The following SRRD variants were observed in gnomAD, a reference collection of about 807,000 sequenced individuals.
SRRD encodes SRR1 domain containing.
In SRRD, 28 loss-of-function variants were observed where a neutral mutation model predicts 30.7. The observed-to-expected ratio is 0.91, with a 90% confidence interval of 0.68 to 1.25. The LOEUF (loss-of-function observed/expected upper bound fraction) is 1.25. Ranked by LOEUF, SRRD falls within the 50% of genes most tolerant of loss-of-function variation. The pLI is 0.00. For missense variants in SRRD, 415 were observed against 417.3 expected (o/e 0.99, Z 0.05); for synonymous variants, 161 against 159.6 (o/e 1.01, Z -0.07).
At position 26,491,624 on chromosome 22, in the gene SRRD, C is replaced by A. The variant is rs569715425; in HGVS notation, c.972C>A (p.Asp324Glu). 1 of 1,613,884 alleles carries A rather than the reference C, an allele frequency of 6.2e-7. No individual in the cohort carries two copies. ...REEPDYQDCE[D>E]LEIIRNKRED... ...AACCAGATTATCAGGACTGTGAGGA[C>A]CTTGAAATCATCAGGAACAAGAGAG... Residue 324 changes from aspartate (D) to glutamate (E), a missense_variant, in exon 7 of 7, where the codon GAC becomes GAA. Physicochemically the swap from Asp to Glu is conservative, Grantham distance 45 (BLOSUM62 2). Coordinates refer to ENST00000215917, the MANE Select transcript of SRRD (RefSeq NM_001013694.3).
At chr22:26,485,632 A>G (rs774025360) in intron 1 of SRRD, among the ~76,000 whole-genome samples, 1 of 152,218 alleles carries the variant, frequency 6.6e-6, no homozygotes, top group Admixed American at 6.5e-5. Flanking sequence ...TTATGCCTCT[A>G]AACTCCTCCG....
At chr22:26,491,092 C>A (rs201003663) in intron 6 of SRRD, 22 bp downstream of exon 6, 355 of 1,605,180 alleles carry the variant, frequency 2.2e-4, no homozygotes, top group Non-Finnish European at 2.8e-4. Flanking sequence ...AATAAAGGGG[C>A]TGGGATGGAA....
chr22:26,485,987 G>T, intron 1 of SRRD, 36 bp from the exon 2 acceptor site: 1 of 1,614,022 alleles, frequency 6.2e-7, no homozygotes, highest in Non-Finnish European at 8.5e-7. Flanking sequence ...CCCTGAGATG[G>T]GTGGGACATG....
intron 5 of SRRD, among the ~76,000 whole-genome samples, chr22:26,490,445 A>C (rs1055204752): frequency 1.3e-5 from 2 of 151,922 alleles, no homozygotes; most frequent in African/African-American, 4.8e-5. Flanking sequence ...GAAAACAGGG[A>C]AAAGCTATTT....
chr22:26,484,231 C>G, intron 1 of SRRD, 132 bp downstream of exon 1: 1 of 1,000,850 alleles, frequency 1.0e-6, no homozygotes, highest in Non-Finnish European at 1.5e-6. Context: ...ACGTAGGTAA[C>G]GAGCTCATTA....
chr22:26,490,004 G>T (rs750201685), intron 4 of SRRD, 40 bp from the exon 5 acceptor site: 1 of 1,610,590 alleles, frequency 6.2e-7, no homozygotes, highest in African/African-American at 1.3e-5. Flanking sequence ...TAAAGAATAG[G>T]TTGTGGGCAT....
chr22:26,490,107 T>C lies in SRRD; in HGVS notation c.673T>C (p.Leu225=), dbSNP rs770346097. 6.2e-7 allele frequency: 1 copy of C among 1,614,026 alleles called. No homozygotes were observed. Among genetic ancestry groups the C allele is most frequent in the Non-Finnish European group, 8.5e-7 (1 of 1,180,006 alleles). ...TTACATGCTCCATTGTGGGACGGCC[T>C]TGTACAACAATCTTTTATGGAGTAA... ...IFYMLHCGTA[L]YNNLLWSNWS... Residue 225 remains leucine, a synonymous_variant, in exon 5 of 7, where the codon TTG becomes CTG. Coordinates refer to ENST00000215917, the MANE Select transcript of SRRD (RefSeq NM_001013694.3).
Position 26,493,626 on chromosome 22 carries a change from C to T in SRRD, c.*1954C>T, listed in dbSNP as rs1921512184. ...ATATAGTACACGAACAGTGAACTGC[C>T]TGTTTTTGACAACACAGACACCACC... On this transcript the variant is annotated 3_prime_UTR_variant, in exon 7 of 7. Transcript: ENST00000215917. 1 of 158,168 alleles carries T rather than the reference C, an allele frequency of 6.3e-6. No individual in the cohort carries two copies. The allele number at this position is 158,168 out of a possible 1,614,324, so 9.8% of individuals were successfully genotyped here.
At chr22:26,491,412 G>C in intron 6 of SRRD, 51 bp from the exon 7 acceptor site, 1 of 1,366,314 alleles carries the variant, frequency 7.3e-7, no homozygotes, top group Non-Finnish European at 1.0e-6. Context: ...CCAGAAGAGT[G>C]GGGATTACTG....
chr22:26,491,333 A>G, intron 6 of SRRD, 130 bp from the exon 7 acceptor site: 1 of 823,516 alleles, frequency 1.2e-6, no homozygotes, highest in Non-Finnish European at 1.9e-6. Flanking sequence ...AAGCATTTAA[A>G]TCAAAATACC....
Position 26,492,432 on chromosome 22 carries a change from T to C in SRRD, c.*760T>C. 1 of 1,502,376 alleles carries C rather than the reference T, an allele frequency of 6.7e-7. No homozygotes were observed. Among genetic ancestry groups the C allele is most frequent in the Admixed American group, 1.7e-5 (1 of 58,162 alleles). 93.1% of individuals were successfully genotyped at this position (1,502,376 alleles called of 1,614,324 possible). A position where few individuals can be genotyped will look rare whatever the true frequency, so the allele number is the denominator to read the frequency against. ...TCCAGGTGTATGGAAGTTGACACTG[T>C]GGCTTGGCCCAGGTCTTGGGTGTGC... On this transcript the variant is annotated 3_prime_UTR_variant, in exon 7 of 7. Coordinates refer to ENST00000215917, the MANE Select transcript of SRRD (RefSeq NM_001013694.3).
At chr22:26,489,977 T>A (rs1379777803) in intron 4 of SRRD, 67 bp from the exon 5 acceptor site, 1 of 1,569,794 alleles carries the variant, frequency 6.4e-7, no homozygotes, top group Non-Finnish European at 8.7e-7. Flanking sequence ...CATCCTTACC[T>A]CTCCCTCACC....
rs563523154 is a variant in SRRD at position 26,487,352 on chromosome 22, A to G, written c.251-677A>G. ...TACCTCTACATGAGAAGACTTAAAC[A>G]GAGTATAACTTTATTTTATTTTTTT... is the stretch of plus-strand genomic sequence containing the variant. On this transcript the variant is annotated intron_variant, in intron 2 of 6. Coordinates refer to ENST00000215917, the MANE Select transcript of SRRD (RefSeq NM_001013694.3). Among the ~76,000 whole-genome samples the G allele has an allele frequency of 2.8e-4, 43 of 152,252 alleles. No homozygotes were observed. The South Asian group carries it at 9.0e-3, about 32-fold the overall frequency.
At chr22:26,491,304 C>A in intron 6 of SRRD, 159 bp from the exon 7 acceptor site, 1 of 732,006 alleles carries the variant, frequency 1.4e-6, no homozygotes. Flanking sequence ...GTCCTTGGGG[C>A]GCCCAATTCA....
At position 26,491,537 on chromosome 22, in the gene SRRD, C is replaced by G; in HGVS notation, c.885C>G (p.Val295=). 2.5e-6 allele frequency: 4 copies of G among 1,614,116 alleles called. No homozygotes were observed. The highest frequency in any genetic ancestry group is 3.4e-6 in the Non-Finnish European group (4 of 1,179,982). ...TGGACATATTTAATGATACCTCTGTCCACTGGTTCCCTGTGCAAAAGCTAG... is the reference window on the plus strand; with the variant it reads ...TGGACATATTTAATGATACCTCTGTGCACTGGTTCCCTGTGCAAAAGCTAG... ...QYMDIFNDTS[V]HWFPVQKLEQ... Residue 295 remains valine (V), a synonymous_variant, in exon 7 of 7, where the codon GTC becomes GTG. Coordinates refer to ENST00000215917, the MANE Select transcript of SRRD (RefSeq NM_001013694.3).
chr22:26,490,985 GTGTTTTTTTTT>G (rs749716274), intron 5 of SRRD, 29 bp from the exon 6 acceptor site: 7 of 1,453,524 alleles, frequency 4.8e-6, no homozygotes, highest in South Asian at 1.2e-5. Flanking sequence ...CCTAATCATG[GTGTTTTTTTTT>G]TGTTTTTTTG....
Position 26,483,973 on chromosome 22 carries a change from G to GGCTCC in SRRD, c.85_86insTCCGC (p.Arg29LeufsTer57). On this transcript the variant is annotated frameshift_variant, in exon 1 of 7. Coordinates refer to ENST00000215917, the MANE Select transcript of SRRD (RefSeq NM_001013694.3). LOFTEE classifies it high-confidence loss of function. ...AGGCGCTCCGCGGCTCGACGGCCGC[G>GGCTCC]GCGGAGGGAGGCGGCGCCCCGGGGG... is the stretch of plus-strand genomic sequence containing the variant. 4 of 1,365,592 alleles carry GGCTCC rather than the reference G, an allele frequency of 2.9e-6. No homozygotes were observed. The Admixed American group carries it at 1.2e-4, about 41-fold the overall frequency. 84.6% of individuals were successfully genotyped at this position (1,365,592 alleles called of 1,614,324 possible).
chr22:26,484,546 G>A (rs1344976429), intron 1 of SRRD, among the ~76,000 whole-genome samples: 1 of 152,238 alleles, frequency 6.6e-6, no homozygotes, highest in African/African-American at 2.4e-5. Context: ...TCATCAGGCA[G>A]CTGCTATGTG....
In SRRD at chr22:26,491,007, GTTTTT is replaced by G. The variant is rs756894644; in HGVS notation, c.765-14_765-10del. ...ATGGTGTTTTTTTTTTGTTTTTTTG[GTTTTT>G]TTTAATTTCTAGGTTGTTGGCAAGG... On this transcript the variant is annotated splice_polypyrimidine_tract_variant and intron_variant, in intron 5 of 6. Transcript: ENST00000215917. The G allele has an allele frequency of 6.3e-7, 1 of 1,589,214 alleles. No homozygotes were observed. Among genetic ancestry groups the G allele is most frequent in the South Asian group, 1.1e-5 (1 of 87,770 alleles).
Sources: gnomAD v4.1 joint callset for allele counts (sites outside exome capture counted in the v4.1 genomes callset) on GRCh38, gnomAD v4.1.1 for gene constraint, MANE v1.5 for transcripts, NCBI Gene and HGNC (gene_info 2026-07-23, HGNC 2026-07-21) for gene names.